Variants in NCOR2 observed in about 807,000 individuals in gnomAD.
NCOR2 encodes the protein nuclear receptor corepressor 2, also known as CTG repeat protein 26.
NCOR2 carries 81 observed loss-of-function variants against 262.9 expected under a neutral mutation model. The observed-to-expected ratio is 0.31, with a 90% CI of 0.26 to 0.37. The LOEUF is 0.37. NCOR2 is among the 10% of genes least tolerant of loss of function. NCOR2 has a pLI of 1.00. For missense variants in NCOR2, 3,385 were observed against 3,621.4 expected (o/e 0.93, Z 1.68); for synonymous variants, 1,659 against 1,559.3 (o/e 1.06, Z -1.51).
At position 124,483,010 on chromosome 12, in the gene NCOR2, C is replaced by T. The variant is rs2047578743; in HGVS notation, c.411+586G>A. 6.6e-6 allele frequency among the ~76,000 whole-genome samples: 1 copy of T among 152,116 alleles called. No individual in the cohort carries two copies. The highest frequency in any genetic ancestry group is 2.4e-5 in the African/African-American group (1 of 41,412). The stretch of plus-strand genomic sequence containing the variant: ...CACTTTGCGGGACTCTGGAGTCTCC[C>T]CTCCCTGACCCTTAAGAATCCAGAA... On this transcript the variant is annotated intron_variant, in intron 3 of 46. Transcript: ENST00000405201. This position sits in a 1 kb window ranked among gnomAD's most constrained non-coding sequence, Gnocchi z 6.3.
chr12:124,478,435 C>T (rs989624474), intron 3 of NCOR2, among the ~76,000 whole-genome samples: 4 of 152,090 alleles, frequency 2.6e-5, no homozygotes, highest in Non-Finnish European at 4.4e-5. Flanking sequence ...CACAAAACTC[C>T]GGAGGCTGAA....
At chr12:124,463,153 C>G (rs961923731) in intron 5 of NCOR2, among the ~76,000 whole-genome samples, 1 of 152,226 alleles carries the variant, frequency 6.6e-6, no homozygotes, top group African/African-American at 2.4e-5. Flanking sequence ...ATCCACACAT[C>G]GCTAGCGCTG....
chr12:124,372,111 G>A (rs935922536), exon 20 of NCOR2: 4 of 1,602,758 alleles, frequency 2.5e-6, no homozygotes, highest in Non-Finnish European at 3.4e-6. Flanking sequence ...CCGAGCTCTT[G>A]GCTGTGGTGG....
chr12:124,404,307 C>T (rs2042148675), intron 13 of NCOR2, among the ~76,000 whole-genome samples: 1 of 152,178 alleles, frequency 6.6e-6, no homozygotes, highest in Non-Finnish European at 1.5e-5. Flanking sequence ...TGGCAACAGC[C>T]CAGGGCCAGA....
chr12:124,434,071 G>T (rs1263535209), intron 8 of NCOR2, among the ~76,000 whole-genome samples: 1 of 152,128 alleles, frequency 6.6e-6, no homozygotes, highest in Admixed American at 6.5e-5. Context: ...CCTCCAGAGG[G>T]TCCAGCTCAG....
At chr12:124,362,168 G>C in exon 22 of NCOR2, 3 of 1,306,484 alleles carry the variant, frequency 2.3e-6, no homozygotes, top group African/African-American at 1.5e-5. Flanking sequence ...CTCTTGCCCC[G>C]GGGGCTGCTG....
At chr12:124,358,057 T>C (rs1175498452) in intron 22 of NCOR2, among the ~76,000 whole-genome samples, 1 of 144,184 alleles carries the variant, frequency 6.9e-6, no homozygotes, top group African/African-American at 2.6e-5. Flanking sequence ...TGTGTGCCTG[T>C]ACACAATGTT....
At chr12:124,461,420 G>T (rs765414855) in intron 5 of NCOR2, among the ~76,000 whole-genome samples, 1 of 152,220 alleles carries the variant, frequency 6.6e-6, no homozygotes, top group Non-Finnish European at 1.5e-5. Context: ...GTTCTCATTC[G>T]AGCAGTGGCA....
In NCOR2 at chr12:124,455,415, G is replaced by C. The variant is rs779537532; in HGVS notation, c.762+1691C>G. 7.8e-4 allele frequency among the ~76,000 whole-genome samples: 118 copies of C among 152,200 alleles called. 1 individual carries two copies. Among genetic ancestry groups the C allele is most frequent in the Non-Finnish European group, 1.5e-3 (102 of 68,034 alleles). ...GGAGGGGGCAGAGCCCTGAAGGGGT[G>C]GGGGAGCCCAGCGAGGTTCCTGAGT... On this transcript the variant is annotated intron_variant, in intron 6 of 46. Coordinates refer to ENST00000405201, the Ensembl canonical transcript of NCOR2.
chr12:124,567,153 T>C (rs911109660), intron 1 of NCOR2, among the ~76,000 whole-genome samples, 155 bp downstream of exon 1: 14 of 151,844 alleles, frequency 9.2e-5, no homozygotes, highest in African/African-American at 3.4e-4. Flanking sequence ...CGGGGCGCCT[T>C]GCTCCCCAGC....
At chr12:124,538,340 G>A (rs1267762854), upstream of NCOR2, 1 of 152,428 alleles carries the variant, frequency 6.6e-6, no homozygotes, top group African/African-American at 2.4e-5. Context: ...AACTCAGCAG[G>A]GACTTCCCAG....
chr12:124,457,412 T>G lies in NCOR2; in HGVS notation c.706-250A>C, dbSNP rs568005042. 4.7e-4 allele frequency among the ~76,000 whole-genome samples: 71 copies of G among 151,788 alleles called. No individual in the cohort carries two copies. Among genetic ancestry groups the G allele is most frequent in the African/African-American group, 1.7e-3 (69 of 41,374 alleles). On this transcript the variant is annotated intron_variant, in intron 5 of 46. Transcript: ENST00000405201. The surrounding 1 kb of genome is among the most constrained non-coding windows in gnomAD (Gnocchi z 4.0). ...TTTCGATTTTAGCAAATGCGCCGGG[T>G]CCACTGAAGCCTGCTCCCCGGCAGG...
At chr12:124,414,057 C>A (rs1237817990) in intron 13 of NCOR2, among the ~76,000 whole-genome samples, 1 of 152,160 alleles carries the variant, frequency 6.6e-6, no homozygotes, top group Non-Finnish European at 1.5e-5. Context: ...ATGAGCCCCT[C>A]TGCCGCCTGC....
At chr12:124,473,166 C>T in intron 3 of NCOR2, 35 bp from the exon 6 acceptor site, 1 of 1,610,182 alleles carries the variant, frequency 6.2e-7, no homozygotes. Flanking sequence ...GGGGTCAGCA[C>T]AGGGGACACC....
exon 22 of NCOR2, chr12:124,362,270 G>C (rs561270684): frequency 9.9e-6 from 13 of 1,311,630 alleles, no homozygotes; most frequent in South Asian, 3.0e-5. Context: ...GCGTCCTCCC[G>C]GGGGGGCTCA....
chr12:124,424,056 G>A (rs961180701), intron 11 of NCOR2, among the ~76,000 whole-genome samples: 8 of 152,074 alleles, frequency 5.3e-5, no homozygotes, highest in East Asian at 1.9e-4. Flanking sequence ...TGGAAGTTAC[G>A]CCAGCCCCAC....
chr12:124,402,604 G>C, intron 13 of NCOR2, 43 bp from the exon 16 acceptor site: 2 of 1,544,354 alleles, frequency 1.3e-6, no homozygotes, highest in Non-Finnish European at 1.7e-6. Flanking sequence ...GGGGAGGGAA[G>C]AAAACCGTGA....
chr12:124,451,002 G>A (rs1215615409), intron 6 of NCOR2, among the ~76,000 whole-genome samples: 1 of 152,282 alleles, frequency 6.6e-6, no homozygotes, highest in African/African-American at 2.4e-5. Flanking sequence ...AGCAGTGGCT[G>A]TGCTAATGGC....
intron 1 of NCOR2, among the ~76,000 whole-genome samples, chr12:124,488,566 C>T (rs975389359): frequency 2.6e-5 from 4 of 152,222 alleles, no homozygotes; most frequent in Non-Finnish European, 5.9e-5. Context: ...CTGCATCCCA[C>T]AGTGTCTAGC....
Sources: gnomAD v4.1 joint callset for allele counts (sites outside exome capture counted in the v4.1 genomes callset) on GRCh38, gnomAD v4.1.1 for gene constraint, Gnocchi (gnomAD v3.1) non-coding constraint, MANE v1.5 for transcripts, NCBI Gene and HGNC (gene_info 2026-07-23, HGNC 2026-07-21) for gene names.